Variants in CADM1 observed in about 807,000 individuals in gnomAD.
The protein encoded by CADM1 is TSLC-1.
A neutral mutation model predicts 53.1 loss-of-function variants in CADM1; 15 were observed. The observed-to-expected ratio is 0.28, with a 90% CI of 0.19 to 0.44. CADM1 has a LOEUF of 0.44. Among genes scored for constraint, CADM1 ranks in the 20% least tolerant of loss-of-function variants. The probability of loss-of-function intolerance (pLI) is 1.00; values close to 1 mark genes in which losing one functional copy is unlikely to be tolerated. For synonymous variants in CADM1, 281 were observed against 243.0 expected (o/e 1.16, Z -1.45); for missense variants, 434 against 611.3 (o/e 0.71, Z 3.06).
At chr11:115,249,953 G>T (rs1942537575) in intron 1 of CADM1, among the ~76,000 whole-genome samples, 2 of 125,920 alleles carry the variant, frequency 1.6e-5, no homozygotes, top group Admixed American at 1.6e-4. Context: ...TGCCCAGGCT[G>T]CAGTGCAGTA....
chr11:115,208,552 G>T lies in CADM1; in HGVS notation c.1078+1022C>A, dbSNP rs554353478. ...TTCATAAAGAAGTCCAGAGACAGGG[G>T]TGGGTACCAGGGCACACGGTTCAGA... is the stretch of plus-strand genomic sequence containing the variant. On this transcript the variant is annotated intron_variant, in intron 8 of 11. Coordinates refer to ENST00000331581, the MANE Select transcript of CADM1 (RefSeq NM_001301043.2). Among the ~76,000 whole-genome samples, 3 of 152,298 alleles carry T rather than the reference G, an allele frequency of 2.0e-5. No homozygotes were observed. The East Asian group carries it at 5.8e-4, about 29-fold the overall frequency.
intron 1 of CADM1, among the ~76,000 whole-genome samples, chr11:115,290,236 GAGA>G (rs1943851874): frequency 6.6e-6 from 1 of 152,190 alleles, no homozygotes; most frequent in Non-Finnish European, 1.5e-5. Context: ...CTGCAGTGTT[GAGA>G]CACTTCTGAG....
In CADM1 at chr11:115,209,646, T is replaced by C; in HGVS notation, c.1006A>G (p.Thr336Ala). 1 of 1,612,806 alleles carries C rather than the reference T, an allele frequency of 6.2e-7. No individual in the cohort carries two copies. The highest frequency in any genetic ancestry group is 8.5e-7 in the Non-Finnish European group (1 of 1,179,728). ...YMLYVYDPPT[T>A]IPPPTTTTTT... ...GTGGTTGTTGTGGGAGGAGGGATAGTTGTGGGGGGATCTGGATAGAAAAAA... is the reference window on the plus strand; with the variant it reads ...GTGGTTGTTGTGGGAGGAGGGATAGCTGTGGGGGGATCTGGATAGAAAAAA... The change falls in exon 8 of 12, where the codon ACT becomes GCT. Residue 336 changes from threonine (T) to alanine (A), a missense_variant. Transcript: ENST00000331581.
At chr11:115,262,051 T>C (rs1333173448) in intron 1 of CADM1, among the ~76,000 whole-genome samples, 2 of 152,158 alleles carry the variant, frequency 1.3e-5, no homozygotes, top group African/African-American at 4.8e-5. Flanking sequence ...AGTGCTGGGA[T>C]TACAGGCGTG....
Position 115,326,862 on chromosome 11 carries a change from AC to A in CADM1, c.125-86443del, listed in dbSNP as rs544532104. On this transcript the variant is annotated intron_variant, in intron 1 of 11. Coordinates refer to ENST00000331581, the MANE Select transcript of CADM1 (RefSeq NM_001301043.2). Reference sequence around the variant, plus strand: ...AACTCCCAAATTGTGAAAAGGGTACACAGAGGGTGAAATTTTACTATCAAAT... The same window carrying A: ...AACTCCCAAATTGTGAAAAGGGTACAAGAGGGTGAAATTTTACTATCAAAT... 1.6e-4 allele frequency among the ~76,000 whole-genome samples: 25 copies of A among 152,322 alleles called. No homozygotes were observed. The East Asian group carries it at 4.6e-3, about 28-fold the overall frequency.
At chr11:115,457,468 A>T (rs1484021884) in intron 1 of CADM1, among the ~76,000 whole-genome samples, 4 of 152,206 alleles carry the variant, frequency 2.6e-5, no homozygotes, top group East Asian at 1.9e-4. Context: ...ATCAAAATAC[A>T]AATGAGAAAT....
At chr11:115,472,600 T>C (rs1949041433) in intron 1 of CADM1, among the ~76,000 whole-genome samples, 1 of 152,240 alleles carries the variant, frequency 6.6e-6, no homozygotes, top group African/African-American at 2.4e-5. Context: ...AATATTGAAA[T>C]GTTAATTTAT....
chr11:115,295,860 T>G lies in CADM1; in HGVS notation c.125-55440A>C, dbSNP rs116525433. ...CTTCTATTTAGAATACCTTCAACTA[T>G]TAATACTATATTCTTAAATGCTACA... On this transcript the variant is annotated intron_variant, in intron 1 of 11. Transcript: ENST00000331581. 8.9e-3 allele frequency among the ~76,000 whole-genome samples: 1,352 copies of G among 152,208 alleles called. 21 individuals carry two copies. The highest frequency in any genetic ancestry group is 0.031 in the African/African-American group (1,288 of 41,538).
chr11:115,219,852 C>CA lies in CADM1; in HGVS notation c.722-1862dup, dbSNP rs900404010. On this transcript the variant is annotated intron_variant, in intron 5 of 11. Transcript: ENST00000331581. ...TGAAGTTTAGTTTTTAAAAAAGATACAAAAAAAATGAAAGAAGAAGGTTAT... is the reference window on the plus strand; with the variant it reads ...TGAAGTTTAGTTTTTAAAAAAGATACAAAAAAAAATGAAAGAAGAAGGTTAT... 1.1e-4 allele frequency among the ~76,000 whole-genome samples: 17 copies of CA among 151,578 alleles called. No individual in the cohort carries two copies. The East Asian group carries it at 1.2e-3, about 10-fold the overall frequency.
At chr11:115,182,411 A>G (rs927388870) in intron 10 of CADM1, among the ~76,000 whole-genome samples, 7 of 152,232 alleles carry the variant, frequency 4.6e-5, no homozygotes, top group Non-Finnish European at 7.3e-5. Context: ...CTGCCCCATC[A>G]TCCTGAAAAG....
chr11:115,338,385 A>C (rs1234381244), intron 1 of CADM1, among the ~76,000 whole-genome samples: 3 of 152,160 alleles, frequency 2.0e-5, no homozygotes, highest in African/African-American at 7.2e-5. Context: ...AAACTGTTTA[A>C]ATATTTGCCT....
At chr11:115,470,956 C>A (rs1041857913) in intron 1 of CADM1, among the ~76,000 whole-genome samples, 4 of 152,158 alleles carry the variant, frequency 2.6e-5, no homozygotes, top group Non-Finnish European at 4.4e-5. Flanking sequence ...GTACGTGCTC[C>A]CTTTCCTCGT....
chr11:115,219,472 T>G (rs73572138), intron 5 of CADM1, among the ~76,000 whole-genome samples: 2 of 152,186 alleles, frequency 1.3e-5, no homozygotes, highest in African/African-American at 4.8e-5. Flanking sequence ...TAGTGCTTTC[T>G]GAGAAGCTAA....
chr11:115,229,615 T>C (rs1486547630), intron 4 of CADM1, among the ~76,000 whole-genome samples: 1 of 152,130 alleles, frequency 6.6e-6, no homozygotes, highest in Non-Finnish European at 1.5e-5. Flanking sequence ...GCTCAAGGTA[T>C]TCAGGAGGAG....
intron 1 of CADM1, among the ~76,000 whole-genome samples, chr11:115,447,918 T>C (rs1948488220): frequency 1.3e-5 from 2 of 152,186 alleles, no homozygotes; most frequent in Non-Finnish European, 1.5e-5. Context: ...TAGGTGCTCT[T>C]TCTTAGCACA....
At chr11:115,262,591 T>C (rs1943009300) in intron 1 of CADM1, among the ~76,000 whole-genome samples, 1 of 152,196 alleles carries the variant, frequency 6.6e-6, no homozygotes, top group African/African-American at 2.4e-5. Context: ...GATGAACAAA[T>C]ATCTCCTCTG....
chr11:115,317,723 T>C (rs1944706006), intron 1 of CADM1, among the ~76,000 whole-genome samples: 1 of 152,222 alleles, frequency 6.6e-6, no homozygotes, highest in Non-Finnish European at 1.5e-5. Flanking sequence ...AGCTGCAAGA[T>C]GGAGTGCCCT....
At chr11:115,369,180 T>C (rs1386754647) in intron 1 of CADM1, among the ~76,000 whole-genome samples, 1 of 151,988 alleles carries the variant, frequency 6.6e-6, no homozygotes, top group Non-Finnish European at 1.5e-5. Context: ...AAAATGCCCC[T>C]AATAGCCCAA....
intron 1 of CADM1, among the ~76,000 whole-genome samples, chr11:115,464,069 G>T (rs1189027717): frequency 1.3e-5 from 2 of 152,178 alleles, no homozygotes; most frequent in African/African-American, 4.8e-5. Flanking sequence ...TGCTGACAGA[G>T]ACTGGAGACA....
Sources: gnomAD v4.1 joint callset for allele counts (sites outside exome capture counted in the v4.1 genomes callset) on GRCh38, gnomAD v4.1.1 for gene constraint, MANE v1.5 for transcripts, NCBI Gene and HGNC (gene_info 2026-07-23, HGNC 2026-07-21) for gene names.